Variants in CDK14 observed in about 807,000 individuals in gnomAD.
The protein encoded by CDK14 is cyclin dependent kinase 14, also known as cyclin-dependent kinase 14.
In CDK14, 34 loss-of-function variants were observed where a neutral mutation model predicts 60.7. The observed-to-expected ratio is 0.56, with a 90% confidence interval of 0.43 to 0.75. CDK14 has a LOEUF of 0.75. CDK14 is among the 30% of genes least tolerant of loss of function. The pLI, the probability that CDK14 is intolerant of heterozygous loss-of-function variation, is 0.00. For synonymous variants in CDK14, 197 were observed against 203.7 expected (o/e 0.97, Z 0.28); for missense variants, 482 against 564.1 (o/e 0.85, Z 1.47).
intron 14 of CDK14, among the ~76,000 whole-genome samples, chr7:91,201,796 T>C (rs1023202984): frequency 2.6e-5 from 4 of 152,140 alleles, no homozygotes; most frequent in Non-Finnish European, 5.9e-5. Flanking sequence ...ATTTAGCACT[T>C]AAGGGCTTCT....
intron 3 of CDK14, among the ~76,000 whole-genome samples, chr7:90,740,478 C>G (rs925551193): frequency 4.6e-5 from 7 of 151,892 alleles, no homozygotes; most frequent in African/African-American, 1.7e-4. Context: ...TGACTGGTGT[C>G]CTTGCAAGAA....
intron 2 of CDK14, among the ~76,000 whole-genome samples, chr7:90,702,432 C>T (rs1286672759): frequency 6.6e-6 from 1 of 152,026 alleles, no homozygotes; most frequent in Non-Finnish European, 1.5e-5. Flanking sequence ...TATGATGAAT[C>T]TTCTTTAGCC....
At chr7:91,029,944 G>A (rs576882808) in intron 10 of CDK14, among the ~76,000 whole-genome samples, 1 of 152,228 alleles carries the variant, frequency 6.6e-6, no homozygotes, top group African/African-American at 2.4e-5. Flanking sequence ...GATTTCCAGG[G>A]CAGTCTGTTC....
intron 3 of CDK14, among the ~76,000 whole-genome samples, chr7:90,745,611 T>C (rs746774654): frequency 1.3e-5 from 2 of 152,196 alleles, no homozygotes; most frequent in African/African-American, 2.4e-5. Flanking sequence ...AGATGGGGTT[T>C]CACCATGTTG....
Position 90,596,453 on chromosome 7 carries a change from C to T in CDK14, c.-175C>T. 1.9e-6 allele frequency: 1 copy of T among 525,838 alleles called. No individual in the cohort carries two copies. Among genetic ancestry groups the T allele is most frequent in the Non-Finnish European group, 3.3e-6 (1 of 298,562 alleles). 32.6% of individuals were successfully genotyped at this position (525,838 alleles called of 1,614,324 possible). ...GCTGCGGCCCAGGCCGGAGCGGAGC[C>T]TGCCGTCCTCCGCCTGCCTGCTGCT... On this transcript the variant is annotated 5_prime_UTR_variant, in exon 1 of 15. Coordinates refer to ENST00000380050, the MANE Select transcript of CDK14 (RefSeq NM_001287135.2).
At chr7:90,981,709 G>A (rs896733567) in intron 9 of CDK14, among the ~76,000 whole-genome samples, 3 of 152,008 alleles carry the variant, frequency 2.0e-5, no homozygotes, top group East Asian at 1.9e-4. Context: ...CAATATGTTC[G>A]TGGTTTTATT....
intron 11 of CDK14, among the ~76,000 whole-genome samples, chr7:91,054,987 A>G (rs1442406153): frequency 6.6e-6 from 1 of 152,162 alleles, no homozygotes; most frequent in Admixed American, 6.5e-5. Flanking sequence ...ACAAAAAGTC[A>G]CGGACTCATT....
At chr7:90,889,521 G>T (rs1428106857) in intron 6 of CDK14, among the ~76,000 whole-genome samples, 3 of 152,098 alleles carry the variant, frequency 2.0e-5, no homozygotes, top group Non-Finnish European at 4.4e-5. Flanking sequence ...ACACGTACAG[G>T]TTTATTATGA....
At chr7:90,792,428 C>T (rs761004901) in intron 5 of CDK14, among the ~76,000 whole-genome samples, 97 of 152,262 alleles carry the variant, frequency 6.4e-4, no homozygotes, top group Non-Finnish European at 2.1e-4. Flanking sequence ...TTCAGGAATA[C>T]AAGGCTAGTT....
chr7:90,693,953 A>G (rs181858553), intron 2 of CDK14, among the ~76,000 whole-genome samples: 1 of 152,308 alleles, frequency 6.6e-6, no homozygotes, highest in African/African-American at 2.4e-5. Flanking sequence ...AGGCACAAGT[A>G]TGTTGTTGGA....
At chr7:90,843,815 A>T (rs891409323) in intron 5 of CDK14, among the ~76,000 whole-genome samples, 7 of 152,134 alleles carry the variant, frequency 4.6e-5, no homozygotes, top group Non-Finnish European at 8.8e-5. Flanking sequence ...GCCTGGAAGA[A>T]ATTCAGATGC....
intron 9 of CDK14, among the ~76,000 whole-genome samples, chr7:90,964,295 T>C (rs1794691633): frequency 6.6e-6 from 1 of 152,302 alleles, no homozygotes; most frequent in South Asian, 2.1e-4. Flanking sequence ...ATTTTGATTG[T>C]GATAACTTTG....
intron 8 of CDK14, among the ~76,000 whole-genome samples, chr7:90,923,776 T>C (rs1320469357): frequency 6.6e-6 from 1 of 152,262 alleles, no homozygotes; most frequent in East Asian, 1.9e-4. Context: ...GTGTTTCTTT[T>C]TTCCTGTACA....
At chr7:91,203,294 A>G (rs1282662391) in intron 14 of CDK14, among the ~76,000 whole-genome samples, 4 of 152,204 alleles carry the variant, frequency 2.6e-5, no homozygotes, top group Admixed American at 1.3e-4. Context: ...ATATGAGAAC[A>G]TATTTCACCA....
intron 12 of CDK14, among the ~76,000 whole-genome samples, chr7:91,096,090 A>G (rs1251959691): frequency 5.0e-5 from 7 of 140,532 alleles, no homozygotes; most frequent in Non-Finnish European, 9.4e-5. Context: ...AAAAAAAAAC[A>G]GTTATCTTCT....
At chr7:90,790,426 C>T (rs530263063) in intron 4 of CDK14, 147 bp from the exon 5 acceptor site, 14 of 507,340 alleles carry the variant, frequency 2.8e-5, no homozygotes, top group Admixed American at 1.1e-4. Flanking sequence ...AATTCCCAGC[C>T]GAAACCTTGC....
intron 2 of CDK14, among the ~76,000 whole-genome samples, chr7:90,657,365 C>G (rs766616611): frequency 2.6e-5 from 4 of 152,170 alleles, no homozygotes; most frequent in Non-Finnish European, 4.4e-5. Context: ...TCCATCTTTT[C>G]TTTGCCTTGA....
chr7:90,987,021 G>T (rs1795389909), intron 10 of CDK14, among the ~76,000 whole-genome samples: 1 of 69,154 alleles, frequency 1.4e-5, no homozygotes, highest in Non-Finnish European at 3.3e-5. Context: ...TTATATAACT[G>T]AGATATATTA....
intron 10 of CDK14, among the ~76,000 whole-genome samples, chr7:91,011,468 T>A (rs907111887): frequency 6.6e-6 from 1 of 152,202 alleles, no homozygotes; most frequent in East Asian, 1.9e-4. Context: ...AGTTTCTGGA[T>A]GTTACTGTAT....
Sources: allele counts gnomAD v4.1 joint callset (sites outside exome capture counted in the v4.1 genomes callset), GRCh38; gene constraint gnomAD v4.1.1; transcripts MANE v1.5; gene names NCBI Gene and HGNC (gene_info 2026-07-23, HGNC 2026-07-21).